The following CADM2 variants were observed in gnomAD, a reference collection of about 807,000 sequenced individuals.
CADM2 encodes immunoglobulin superfamily member 4D.
In CADM2, 12 loss-of-function variants were observed where a neutral mutation model predicts 49.8. The ratio of observed to expected loss-of-function variants is 0.24; its 90% CI spans 0.15 to 0.39. CADM2 has a LOEUF of 0.39. Ranked by LOEUF, CADM2 falls within the 10% of genes least tolerant of loss-of-function variation. The pLI, the probability that CADM2 is intolerant of heterozygous loss-of-function variation, is 1.00. For synonymous variants in CADM2, 214 were observed against 175.4 expected (o/e 1.22, Z -1.74); for missense variants, 378 against 492.3 (o/e 0.77, Z 2.20).
chr3:85,773,538 C>T (rs1215061686), intron 2 of CADM2, among the ~76,000 whole-genome samples: 6 of 151,950 alleles, frequency 3.9e-5, no homozygotes. Context: ...AATCAATATA[C>T]CAATTTTTAA....
At chr3:85,776,723 G>A (rs1166103757) in intron 2 of CADM2, among the ~76,000 whole-genome samples, 1 of 151,988 alleles carries the variant, frequency 6.6e-6, no homozygotes, top group African/African-American at 2.4e-5. Flanking sequence ...TAAGTGTTAA[G>A]GCATTTTTGA....
rs764854298 is a variant in CADM2, at chr3:85,024,936, C to T, written c.61+65268C>T. Among the ~76,000 whole-genome samples, 5 of 151,566 alleles carry T rather than the reference C, an allele frequency of 3.3e-5. No homozygotes were observed. In the East Asian group the frequency reaches 5.8e-4, roughly 18 times the overall value. On this transcript the variant is annotated intron_variant, in intron 1 of 9. Transcript: ENST00000383699. ...ATAAAATCCTGTGATTGTGTTAAGG[C>T]GTCAATATGTTTTAGTTTAAATTTT...
chr3:85,610,143 CTATTTTA>C (rs1328666497), intron 1 of CADM2, among the ~76,000 whole-genome samples: 2 of 151,878 alleles, frequency 1.3e-5, no homozygotes, highest in Admixed American at 1.3e-4. Flanking sequence ...AAGGATCTAT[CTATTTTA>C]TAATTACCTA....
intron 1 of CADM2, among the ~76,000 whole-genome samples, chr3:85,527,633 A>G (rs1006809918): frequency 6.6e-6 from 1 of 151,910 alleles, no homozygotes; most frequent in African/African-American, 2.4e-5. Flanking sequence ...CCATAAGGAA[A>G]TAGCTACCAC....
chr3:85,064,707 C>T (rs979140127), intron 1 of CADM2, among the ~76,000 whole-genome samples: 5 of 152,050 alleles, frequency 3.3e-5, no homozygotes, highest in Non-Finnish European at 7.4e-5. Flanking sequence ...GACATACTGG[C>T]AATATTTGTT....
intron 8 of CADM2, among the ~76,000 whole-genome samples, chr3:86,018,458 C>T (rs1196206265): frequency 6.6e-6 from 1 of 151,940 alleles, no homozygotes; most frequent in African/African-American, 2.4e-5. Flanking sequence ...GCCACACTGA[C>T]TTCCACAATG....
At chr3:85,732,825 T>C (rs1478314341) in intron 2 of CADM2, among the ~76,000 whole-genome samples, 2 of 152,170 alleles carry the variant, frequency 1.3e-5, no homozygotes, top group African/African-American at 4.8e-5. Context: ...GTTCACAAAA[T>C]GAGTAAGAGG....
Position 85,409,057 on chromosome 3 carries a change from G to T in CADM2, c.62-317465G>T, listed in dbSNP as rs370990595. ...TAGTGAAATACTTCACTTCATTGTG[G>T]TTTACTTACATTTATGCCAGAGTCA... On this transcript the variant is annotated intron_variant, in intron 1 of 9. Transcript: ENST00000383699. Among the ~76,000 whole-genome samples the T allele has an allele frequency of 1.8e-4, 28 of 152,172 alleles. No homozygotes were observed. In the East Asian group the frequency reaches 4.1e-3, roughly 22 times the overall value.
intron 1 of CADM2, among the ~76,000 whole-genome samples, chr3:85,241,800 T>C (rs2107837064): frequency 6.6e-6 from 1 of 151,674 alleles, no homozygotes; most frequent in Admixed American, 6.6e-5. Flanking sequence ...AGGTAGGTCA[T>C]TTACTTCATG....
intron 1 of CADM2, among the ~76,000 whole-genome samples, chr3:85,602,418 A>C (rs1366037151): frequency 2.0e-5 from 3 of 151,862 alleles, no homozygotes; most frequent in Admixed American, 1.3e-4. Context: ...AAAATGGAAA[A>C]GATTACGACT....
intron 1 of CADM2, among the ~76,000 whole-genome samples, chr3:85,293,952 G>T (rs993466458): frequency 6.6e-6 from 1 of 152,182 alleles, no homozygotes; most frequent in South Asian, 2.1e-4. Context: ...AATTAGGCAG[G>T]AAAAGGAAAT....
intron 1 of CADM2, among the ~76,000 whole-genome samples, chr3:85,504,718 G>A (rs1233155481): frequency 9.9e-5 from 15 of 152,214 alleles, no homozygotes; most frequent in Admixed American, 9.8e-4. Context: ...GGGCTCCGTG[G>A]AGCAGGGGGC....
chr3:86,019,505 C>G (rs1732827469), intron 8 of CADM2, among the ~76,000 whole-genome samples: 1 of 149,918 alleles, frequency 6.7e-6, no homozygotes, highest in South Asian at 2.1e-4. Context: ...TCTTCCTACC[C>G]ATGAGCATGG....
chr3:85,431,880 T>C (rs549205596), intron 1 of CADM2, among the ~76,000 whole-genome samples: 1 of 131,830 alleles, frequency 7.6e-6, no homozygotes, highest in African/African-American at 2.7e-5. Context: ...TATGCCATGC[T>C]CTTTCTTCAG....
intron 5 of CADM2, among the ~76,000 whole-genome samples, chr3:85,907,821 G>A (rs1416487730): frequency 5.9e-5 from 9 of 151,710 alleles, no homozygotes; most frequent in African/African-American, 2.2e-4. Context: ...TGAGGCAGGA[G>A]AATCACTTGA....
chr3:85,489,676 AAAACG>A (rs1449780083), intron 1 of CADM2, among the ~76,000 whole-genome samples: 48 of 147,424 alleles, frequency 3.3e-4, no homozygotes, highest in African/African-American at 1.2e-3. Context: ...AAAATCAAAC[AAAACG>A]AAACAAAAAA....
intron 1 of CADM2, among the ~76,000 whole-genome samples, chr3:85,402,865 T>C (rs2035183528): frequency 6.6e-6 from 1 of 152,168 alleles, no homozygotes; most frequent in East Asian, 1.9e-4. Flanking sequence ...GTTTCTCCCA[T>C]CTGGAAAGAC....
At chr3:85,801,198 A>G (rs1388885252) in intron 2 of CADM2, among the ~76,000 whole-genome samples, 2 of 152,144 alleles carry the variant, frequency 1.3e-5, no homozygotes, top group African/African-American at 4.8e-5. Flanking sequence ...TGATTAAACT[A>G]TTAGAAGTGC....
At chr3:85,708,550 C>A (rs2067018459) in intron 1 of CADM2, among the ~76,000 whole-genome samples, 1 of 152,100 alleles carries the variant, frequency 6.6e-6, no homozygotes, top group Admixed American at 6.6e-5. Flanking sequence ...CTAGGTGAAT[C>A]CCTTGTGATG....
Sources: allele counts gnomAD v4.1 joint callset (sites outside exome capture counted in the v4.1 genomes callset), GRCh38; gene constraint gnomAD v4.1.1; transcripts MANE v1.5; gene names NCBI Gene and HGNC (gene_info 2026-07-23, HGNC 2026-07-21).